PKP2: variants seen among roughly 807,000 people sequenced by gnomAD.
PKP2 encodes the protein plakophilin-2.
PKP2 carries 73 observed loss-of-function variants against 83.4 expected under a neutral mutation model. The observed-to-expected ratio is 0.88, with a 90% CI of 0.72 to 1.06. The LOEUF (loss-of-function observed/expected upper bound fraction) is 1.06. PKP2 is among the 50% of genes least tolerant of loss of function. The pLI is 0.00. For missense variants in PKP2, 966 were observed against 1,065.4 expected (o/e 0.91, Z 1.30); for synonymous variants, 409 against 430.4 (o/e 0.95, Z 0.62).
chr12:32,816,233 C>T (rs1039265705), intron 9 of PKP2, among the ~76,000 whole-genome samples: 8 of 152,132 alleles, frequency 5.3e-5, no homozygotes, highest in African/African-American at 1.9e-4. Flanking sequence ...CTTTCCCCCT[C>T]CTTCTCTCCC....
At chr12:32,825,838 G>A (rs988621732) in intron 6 of PKP2, among the ~76,000 whole-genome samples, 7 of 152,262 alleles carry the variant, frequency 4.6e-5, no homozygotes, top group Middle Eastern at 3.4e-3. Flanking sequence ...TGGAGGTTGA[G>A]GCTGCAGTGA....
In PKP2 at chr12:32,824,122, T is replaced by TCATC. The variant is rs1555143134; in HGVS notation, c.1593_1596dup (p.Arg533AspfsTer5). 2 of 1,613,582 alleles carry TCATC rather than the reference T, an allele frequency of 1.2e-6. No individual in the cohort carries two copies. The highest frequency in any genetic ancestry group is 4.5e-5 in the East Asian group (2 of 44,882). ...GAGTCAATGAGTCCGTCACATCTTC[T>TCATC]CATCGCTTTTCTCCCATCAGCGCCA... On this transcript the variant is annotated frameshift_variant, in exon 7 of 13. Transcript: ENST00000340811. LOFTEE classifies it high-confidence loss of function.
chr12:32,793,613 CTTTTTTTT>C (rs35990527), intron 11 of PKP2, among the ~76,000 whole-genome samples: 2 of 76,730 alleles, frequency 2.6e-5, no homozygotes, highest in African/African-American at 1.1e-4. Flanking sequence ...TCATATTCTG[CTTTTTTTT>C]TTTTTTTTTT....
At chr12:32,866,473 C>T (rs1386330787) in intron 4 of PKP2, among the ~76,000 whole-genome samples, 1 of 147,102 alleles carries the variant, frequency 6.8e-6, no homozygotes, top group African/African-American at 2.5e-5. Context: ...ATCACTTGAG[C>T]CCGAGAGGTG....
Position 32,878,501 on chromosome 12 carries a change from T to G in PKP2, c.379A>C (p.Thr127Pro). Residue 127 changes from threonine (T) to proline (P), a missense_variant, in exon 3 of 13, where the codon ACA (threonine) becomes CCA (proline). Thr to Pro is a conservative substitution (Grantham distance 38). Transcript: ENST00000340811. ...GACTTCTGGGAGCTGTACTGTGCTG[T>G]TCCTCTTCCCCAGCGACCTTCATAA... ...ATYEGRWGRG[T>P]AQYSSQKSVE... 1 of 1,612,900 alleles carries G rather than the reference T, an allele frequency of 6.2e-7. No homozygotes were observed. Among genetic ancestry groups the G allele is most frequent in the Non-Finnish European group, 8.5e-7 (1 of 1,179,420 alleles).
At chr12:32,819,340 ATAAAATAAAG>A (rs1176455111) in intron 9 of PKP2, among the ~76,000 whole-genome samples, 86 of 151,688 alleles carry the variant, frequency 5.7e-4, no homozygotes, top group African/African-American at 1.9e-3. Context: ...ATAAAATAAA[ATAAAATAAAG>A]GGGCTTCATA....
At position 32,821,341 on chromosome 12, in the gene PKP2, A is replaced by G; in HGVS notation, c.2013+15T>C. On this transcript the variant is annotated intron_variant, in intron 9 of 12. Coordinates refer to ENST00000340811, the MANE Select transcript of PKP2 (RefSeq NM_001005242.3). Reference sequence around the variant, plus strand: ...TCATTATTTTAAAAAGTAGGAAATCAGGCCCAATACTCACTGGTCCACTTC... The same window carrying G: ...TCATTATTTTAAAAAGTAGGAAATCGGGCCCAATACTCACTGGTCCACTTC... 6.2e-7 allele frequency: 1 copy of G among 1,609,726 alleles called. No individual in the cohort carries two copies. Among genetic ancestry groups the G allele is most frequent in the Non-Finnish European group, 8.5e-7 (1 of 1,176,062 alleles).
chr12:32,891,219 C>T (rs1383628907), intron 1 of PKP2, among the ~76,000 whole-genome samples: 1 of 152,114 alleles, frequency 6.6e-6, no homozygotes, highest in African/African-American at 2.4e-5. Context: ...TGAAGTCCAA[C>T]ATTTGTCTCA....
At chr12:32,820,153 G>C (rs1336223707) in intron 9 of PKP2, 1 of 152,140 alleles carries the variant, frequency 6.6e-6, no homozygotes, top group Non-Finnish European at 1.5e-5. Flanking sequence ...ATTGGTTTTA[G>C]CATTTCACAA....
intron 5 of PKP2, among the ~76,000 whole-genome samples, chr12:32,844,946 T>A (rs1956632336): frequency 6.6e-6 from 1 of 152,214 alleles, no homozygotes; most frequent in Non-Finnish European, 1.5e-5. Context: ...CTGGATTACC[T>A]AATATAATAT....
chr12:32,794,871 G>A (rs74846973), intron 11 of PKP2, among the ~76,000 whole-genome samples: 3,429 of 152,250 alleles, frequency 0.023, 133 homozygotes, highest in African/African-American at 0.078. Flanking sequence ...GTGCACTGCA[G>A]AGTGGGGCTG....
At position 32,793,613 on chromosome 12, in the gene PKP2, C is replaced by CTTTTTTT. The variant is rs35990527; in HGVS notation, c.2358-889_2358-883dup. On this transcript the variant is annotated intron_variant, in intron 11 of 12. Transcript: ENST00000340811. Reference sequence around the variant, plus strand: ...ACTGTACTTAGTCTTTCATATTCTGCTTTTTTTTTTTTTTTTTTTTTTTTG... The same window carrying CTTTTTTT: ...ACTGTACTTAGTCTTTCATATTCTGCTTTTTTTTTTTTTTTTTTTTTTTTTTTTTTTG... Among the ~76,000 whole-genome samples, 205 of 76,726 alleles carry CTTTTTTT rather than the reference C, an allele frequency of 2.7e-3. 8 individuals are homozygous for CTTTTTTT. The highest frequency in any genetic ancestry group is 8.7e-3 in the African/African-American group (152 of 17,394). The allele number at this position is 76,726 out of a possible 152,430, so 50.3% of individuals were successfully genotyped here.
At chr12:32,843,871 G>C (rs1411099732) in intron 5 of PKP2, among the ~76,000 whole-genome samples, 1 of 152,174 alleles carries the variant, frequency 6.6e-6, no homozygotes, top group Non-Finnish European at 1.5e-5. Context: ...AAGTTAGAAA[G>C]AAGAGAGAAA....
intron 9 of PKP2, among the ~76,000 whole-genome samples, chr12:32,804,153 C>T (rs1438545411): frequency 6.6e-6 from 1 of 152,146 alleles, no homozygotes; most frequent in Non-Finnish European, 1.5e-5. Context: ...GGTAACTGTC[C>T]ACTGTATTTT....
At chr12:32,815,527 AT>A (rs1956312724) in intron 9 of PKP2, among the ~76,000 whole-genome samples, 1 of 152,228 alleles carries the variant, frequency 6.6e-6, no homozygotes, top group South Asian at 2.1e-4. Context: ...TACAAATAAT[AT>A]GCTATCAAGT....
chr12:32,849,559 G>A (rs1244178297), intron 5 of PKP2, among the ~76,000 whole-genome samples: 2 of 152,186 alleles, frequency 1.3e-5, no homozygotes, highest in African/African-American at 4.8e-5. Context: ...AACACAAGCG[G>A]AGAGCTGATG....
chr12:32,814,904 G>A (rs946965639), intron 9 of PKP2, among the ~76,000 whole-genome samples: 4 of 151,604 alleles, frequency 2.6e-5, no homozygotes, highest in African/African-American at 7.3e-5. Flanking sequence ...CACCCTAGGC[G>A]ACAGAGTGAG....
chr12:32,799,943 G>T (rs150185291), intron 10 of PKP2, among the ~76,000 whole-genome samples: 8 of 152,138 alleles, frequency 5.3e-5, no homozygotes, highest in African/African-American at 1.4e-4. Flanking sequence ...TTCTTAAAAG[G>T]TGTTAATATT....
intron 9 of PKP2, among the ~76,000 whole-genome samples, chr12:32,802,885 C>T (rs2137726736): frequency 6.6e-6 from 1 of 151,712 alleles, no homozygotes; most frequent in South Asian, 2.1e-4. Flanking sequence ...GTCTCGAACT[C>T]CTGACTCAGG....
Sources: gnomAD v4.1 joint callset for allele counts (sites outside exome capture counted in the v4.1 genomes callset) on GRCh38, gnomAD v4.1.1 for gene constraint, MANE v1.5 for transcripts, NCBI Gene and HGNC (gene_info 2026-07-23, HGNC 2026-07-21) for gene names.